The following RASGRF2 variants were observed in gnomAD, a reference collection of about 807,000 sequenced individuals.
RASGRF2 encodes Ras protein specific guanine nucleotide releasing factor 2.
Under a neutral mutation model 151.0 loss-of-function variants are expected in RASGRF2, and 76 were observed. The observed-to-expected ratio is 0.50, with a 90% CI of 0.42 to 0.61. The LOEUF (loss-of-function observed/expected upper bound fraction) is 0.61, where lower values mean the gene tolerates loss of function less well. Among genes scored for constraint, RASGRF2 ranks in the 20% least tolerant of loss-of-function variants. The pLI is 0.00. For synonymous variants in RASGRF2, 504 were observed against 566.5 expected (o/e 0.89, Z 1.57); for missense variants, 1,148 against 1,564.6 (o/e 0.73, Z 4.49).
intron 1 of RASGRF2, among the ~76,000 whole-genome samples, chr5:81,034,390 G>T (rs1357758250): frequency 2.0e-5 from 3 of 152,102 alleles, no homozygotes; most frequent in African/African-American, 7.2e-5. Context: ...AGACAGTGTG[G>T]CGATTCCTCA....
chr5:81,038,575 T>A, intron 1 of RASGRF2, among the ~76,000 whole-genome samples: 1 of 115,120 alleles, frequency 8.7e-6, no homozygotes, highest in African/African-American at 4.2e-5. Flanking sequence ...TGCTTTTTTT[T>A]TTTTTTTTTT....
At chr5:81,120,465 C>G (rs1753275872) in intron 15 of RASGRF2, among the ~76,000 whole-genome samples, 2 of 152,076 alleles carry the variant, frequency 1.3e-5, no homozygotes, top group Non-Finnish European at 2.9e-5. Context: ...CACCTGTGGT[C>G]CCAGTTACTC....
chr5:81,171,549 TTGTGTGTGTG>T (rs57890623), intron 17 of RASGRF2, among the ~76,000 whole-genome samples: 1 of 150,626 alleles, frequency 6.6e-6, no homozygotes, highest in Non-Finnish European at 1.5e-5. Flanking sequence ...CCTTTTGTGT[TTGTGTGTGTG>T]TGTGTGTGTG....
At chr5:81,061,374 G>C (rs192506235) in intron 2 of RASGRF2, among the ~76,000 whole-genome samples, 22 of 152,044 alleles carry the variant, frequency 1.4e-4, no homozygotes, top group African/African-American at 3.6e-4. Context: ...TTGTGATATT[G>C]TCTTCTACAA....
At chr5:81,001,107 G>A (rs1325681867) in intron 1 of RASGRF2, among the ~76,000 whole-genome samples, 2 of 152,196 alleles carry the variant, frequency 1.3e-5, no homozygotes, top group African/African-American at 4.8e-5. Flanking sequence ...AAAAGATGAA[G>A]CTGATATTTG....
At chr5:81,125,992 TAG>T (rs1385834508) in intron 16 of RASGRF2, among the ~76,000 whole-genome samples, 2 of 152,256 alleles carry the variant, frequency 1.3e-5, no homozygotes, top group African/African-American at 2.4e-5. Context: ...AAAGAGAAGG[TAG>T]AGCTGTTTTA....
At chr5:81,049,273 G>T (rs1750934213) in intron 2 of RASGRF2, among the ~76,000 whole-genome samples, 1 of 151,298 alleles carries the variant, frequency 6.6e-6, no homozygotes, top group South Asian at 2.1e-4. Context: ...GTATTTACTG[G>T]TAACAGTTTG....
At position 81,226,913 on chromosome 5, in the gene RASGRF2, T is replaced by C. The variant is rs1037390719; in HGVS notation, c.*1143T>C. 4 of 152,226 alleles carry C rather than the reference T, an allele frequency of 2.6e-5. No homozygotes were observed. The highest frequency in any genetic ancestry group is 9.6e-5 in the African/African-American group (4 of 41,462). 9.4% of individuals were successfully genotyped at this position (152,226 alleles called of 1,614,324 possible). On this transcript the variant is annotated 3_prime_UTR_variant, in exon 27 of 27. Transcript: ENST00000265080. Reference sequence around the variant, plus strand: ...ATGGGCCCAACCACCGAACAGCTCTTACATTACAAAACCAAATGCAAGGGT... The same window carrying C: ...ATGGGCCCAACCACCGAACAGCTCTCACATTACAAAACCAAATGCAAGGGT...
chr5:81,205,583 A>C (rs1333955256), intron 19 of RASGRF2, among the ~76,000 whole-genome samples: 1 of 152,182 alleles, frequency 6.6e-6, no homozygotes, highest in Non-Finnish European at 1.5e-5. Context: ...TGTTTTAATC[A>C]ACTCAGAACA....
At chr5:81,016,062 G>T (rs368307986) in intron 1 of RASGRF2, among the ~76,000 whole-genome samples, 1 of 152,170 alleles carries the variant, frequency 6.6e-6, no homozygotes, top group Non-Finnish European at 1.5e-5. Flanking sequence ...TCAGTCAGTG[G>T]CTCTGAAGCT....
At chr5:81,035,829 G>C (rs1183310229) in intron 1 of RASGRF2, among the ~76,000 whole-genome samples, 1 of 152,190 alleles carries the variant, frequency 6.6e-6, no homozygotes, top group Non-Finnish European at 1.5e-5. Flanking sequence ...GTTACAGAAA[G>C]AGAGAATAGG....
intron 19 of RASGRF2, among the ~76,000 whole-genome samples, chr5:81,203,681 G>C (rs1755444589): frequency 6.6e-6 from 1 of 152,212 alleles, no homozygotes; most frequent in Non-Finnish European, 1.5e-5. Flanking sequence ...ATTTATGGAT[G>C]TCAAGTTCTC....
intron 1 of RASGRF2, among the ~76,000 whole-genome samples, chr5:80,970,384 C>T (rs1243760400): frequency 2.0e-5 from 3 of 152,252 alleles, no homozygotes; most frequent in Admixed American, 6.5e-5. Context: ...GAATAATGAT[C>T]ACCTCTGAGT....
chr5:81,131,554 C>T (rs1301999322), intron 17 of RASGRF2, among the ~76,000 whole-genome samples: 2 of 151,982 alleles, frequency 1.3e-5, no homozygotes, highest in Non-Finnish European at 2.9e-5. Flanking sequence ...GGGGTTTCAC[C>T]ATGTTGGCCA....
At chr5:81,077,983 A>G (rs761635199) in intron 5 of RASGRF2, among the ~76,000 whole-genome samples, 1 of 152,224 alleles carries the variant, frequency 6.6e-6, no homozygotes, top group Admixed American at 6.5e-5. Context: ...GTAAAGCTAT[A>G]AGCTCTTCAT....
chr5:81,140,990 G>GTTT (rs11448247), intron 17 of RASGRF2, among the ~76,000 whole-genome samples: 20 of 148,824 alleles, frequency 1.3e-4, no homozygotes, highest in African/African-American at 2.7e-4. Context: ...GTTTTCTCTG[G>GTTT]TTTTTTTTTT....
At chr5:81,010,048 C>T (rs377497993) in intron 1 of RASGRF2, among the ~76,000 whole-genome samples, 50 of 150,990 alleles carry the variant, frequency 3.3e-4, no homozygotes, top group African/African-American at 1.1e-3. Flanking sequence ...TCCAGCTACT[C>T]GGGAAGCTGA....
At chr5:81,040,362 G>C (rs532655001) in intron 1 of RASGRF2, among the ~76,000 whole-genome samples, 1 of 152,108 alleles carries the variant, frequency 6.6e-6, no homozygotes, top group Non-Finnish European at 1.5e-5. Context: ...GGAATTGTTG[G>C]GAAATAAGCA....
chr5:81,017,209 A>G (rs534618304), intron 1 of RASGRF2, among the ~76,000 whole-genome samples: 2 of 152,360 alleles, frequency 1.3e-5, no homozygotes, highest in South Asian at 2.1e-4. Context: ...CCACTATTAC[A>G]GCAATGACAG....
Sources: allele counts gnomAD v4.1 joint callset (sites outside exome capture counted in the v4.1 genomes callset), GRCh38; gene constraint gnomAD v4.1.1; transcripts MANE v1.5; gene names NCBI Gene and HGNC (gene_info 2026-07-23, HGNC 2026-07-21).